Variants in CNTN5 observed in about 807,000 individuals in gnomAD.
CNTN5 encodes contactin 5, also known as contactin-5.
A neutral mutation model predicts 129.1 loss-of-function variants in CNTN5; 77 were observed. The ratio of observed to expected loss-of-function variants is 0.60; its 90% CI spans 0.50 to 0.72. The LOEUF (loss-of-function observed/expected upper bound fraction) is 0.72, where lower values mean the gene tolerates loss of function less well. CNTN5 is among the 30% of genes least tolerant of loss of function. The pLI, the probability that CNTN5 is intolerant of heterozygous loss-of-function variation, is 0.00. For missense variants in CNTN5, 1,478 were observed against 1,328.8 expected, an observed-to-expected ratio of 1.11 and a Z score of -1.75; for synonymous variants, 509 against 465.6, an observed-to-expected ratio of 1.09 and a Z score of -1.20.
chr11:100,075,289 T>G lies in CNTN5; in HGVS notation c.1580+995T>G, dbSNP rs550758450. ...TAAACAATTTTTGGAATTACTGGCT[T>G]CAGCTTAGACCCAAAGATCTATGCT... On this transcript the variant is annotated intron_variant, in intron 13 of 24. Transcript: ENST00000524871. Among the ~76,000 whole-genome samples the G allele has an allele frequency of 7.9e-5, 12 of 152,256 alleles. No homozygotes were observed. The East Asian group carries it at 2.3e-3, about 29-fold the overall frequency.
At chr11:100,229,227 C>T (rs1283119163) in intron 16 of CNTN5, among the ~76,000 whole-genome samples, 2 of 152,230 alleles carry the variant, frequency 1.3e-5, no homozygotes, top group Admixed American at 1.3e-4. Flanking sequence ...TATTTTACCC[C>T]ATGAGTCATA....
intron 13 of CNTN5, among the ~76,000 whole-genome samples, chr11:100,180,729 C>G (rs185048514): frequency 1.5e-3 from 227 of 151,734 alleles, no homozygotes; most frequent in Non-Finnish European, 2.5e-3. Context: ...AATCACGTAC[C>G]CAACAAAGAA....
chr11:99,552,774 T>C (rs941225303), intron 2 of CNTN5, among the ~76,000 whole-genome samples: 9 of 152,078 alleles, frequency 5.9e-5, no homozygotes, highest in Non-Finnish European at 2.9e-5. Context: ...CTGTATAGAA[T>C]TGGTGAAACC....
chr11:99,042,653 G>T (rs1864047016), intron 1 of CNTN5, among the ~76,000 whole-genome samples: 1 of 151,950 alleles, frequency 6.6e-6, no homozygotes, highest in Non-Finnish European at 1.5e-5. Context: ...GGGATTACAG[G>T]CGTGAGCCAC....
intron 2 of CNTN5, among the ~76,000 whole-genome samples, chr11:99,555,891 A>G (rs979060509): frequency 3.3e-5 from 5 of 151,884 alleles, no homozygotes; most frequent in Admixed American, 2.0e-4. Context: ...TGATGTTTTT[A>G]CTATCTGTAT....
intron 9 of CNTN5, among the ~76,000 whole-genome samples, chr11:100,038,098 G>A (rs1942139433): frequency 6.6e-6 from 1 of 151,596 alleles, no homozygotes; most frequent in Non-Finnish European, 1.5e-5. Context: ...TTCTTTTGTG[G>A]GCATTTAGTG....
chr11:99,946,601 G>C (rs1407829237), intron 7 of CNTN5, among the ~76,000 whole-genome samples: 1 of 151,880 alleles, frequency 6.6e-6, no homozygotes, highest in Non-Finnish European at 1.5e-5. Flanking sequence ...TAAGAGAAAG[G>C]GGAAAAATAA....
chr11:100,354,374 C>G (rs1431486659), intron 24 of CNTN5, among the ~76,000 whole-genome samples: 2 of 151,562 alleles, frequency 1.3e-5, no homozygotes, highest in African/African-American at 4.8e-5. Context: ...TTGGATCAGT[C>G]AGTTTAATCC....
chr11:99,113,029 T>C (rs557220417), intron 1 of CNTN5, among the ~76,000 whole-genome samples: 1 of 152,158 alleles, frequency 6.6e-6, no homozygotes, highest in African/African-American at 2.4e-5. Context: ...TCAATAGTCA[T>C]ACGAAAGGCA....
chr11:100,347,586 A>G (rs1259364812), intron 23 of CNTN5, among the ~76,000 whole-genome samples: 1 of 152,106 alleles, frequency 6.6e-6, no homozygotes, highest in Non-Finnish European at 1.5e-5. Flanking sequence ...AGAGTTAGAA[A>G]GGAACAACAT....
intron 13 of CNTN5, among the ~76,000 whole-genome samples, chr11:100,152,964 G>A (rs1356525928): frequency 5.3e-5 from 8 of 151,910 alleles, no homozygotes; most frequent in African/African-American, 1.4e-4. Context: ...AAGACATCAT[G>A]GGTTGTTTTT....
At chr11:99,897,678 G>C (rs1031941383) in intron 6 of CNTN5, among the ~76,000 whole-genome samples, 3 of 152,086 alleles carry the variant, frequency 2.0e-5, no homozygotes, top group Admixed American at 6.6e-5. Flanking sequence ...GATGATACTT[G>C]GCATCAGAAA....
At chr11:99,866,773 G>A (rs1460835634) in intron 6 of CNTN5, among the ~76,000 whole-genome samples, 1 of 152,174 alleles carries the variant, frequency 6.6e-6, no homozygotes, top group East Asian at 1.9e-4. Context: ...TAGCCCATGG[G>A]CGCTAAGGTC....
chr11:99,817,546 T>C (rs1204898088), intron 3 of CNTN5, among the ~76,000 whole-genome samples: 4 of 149,124 alleles, frequency 2.7e-5, no homozygotes, highest in Non-Finnish European at 5.9e-5. Flanking sequence ...TTAAGAACTA[T>C]AAACCACATT....
rs1429884747 is a variant in CNTN5 at position 99,807,174 on chromosome 11, G to C, written c.56-12370G>C. 2.0e-5 allele frequency among the ~76,000 whole-genome samples: 3 copies of C among 152,040 alleles called. No individual in the cohort carries two copies. In the East Asian group the frequency reaches 5.8e-4, roughly 29 times the overall value. ...AGTAAAAAAAAGATAATAGATCTTA[G>C]CCATCATCTAATAAAATGGTATGCA... On this transcript the variant is annotated intron_variant, in intron 3 of 24. Coordinates refer to ENST00000524871, the MANE Select transcript of CNTN5 (RefSeq NM_014361.4).
intron 8 of CNTN5, among the ~76,000 whole-genome samples, 180 bp from the exon 9 acceptor site, chr11:100,001,854 G>A (rs1939895084): frequency 6.6e-6 from 1 of 152,072 alleles, no homozygotes; most frequent in South Asian, 2.1e-4. Context: ...GGGAAGACTA[G>A]GATTTCATCA....
At chr11:99,666,900 A>G (rs1264752142) in intron 3 of CNTN5, among the ~76,000 whole-genome samples, 1 of 152,124 alleles carries the variant, frequency 6.6e-6, no homozygotes, top group East Asian at 1.9e-4. Context: ...TTTATTTTTT[A>G]TAATTAGTTC....
chr11:99,205,175 A>T (rs1179701871), intron 1 of CNTN5, among the ~76,000 whole-genome samples: 4 of 83,946 alleles, frequency 4.8e-5, no homozygotes, highest in Admixed American at 4.2e-4. Context: ...AAACAAACAA[A>T]CAAAAAAAAC....
At chr11:99,101,271 T>C (rs899889126) in intron 1 of CNTN5, among the ~76,000 whole-genome samples, 6 of 146,856 alleles carry the variant, frequency 4.1e-5, no homozygotes, top group Non-Finnish European at 9.0e-5. Context: ...GGAACCACAG[T>C]TCAAGATGAG....
Sources: allele counts gnomAD v4.1 joint callset (sites outside exome capture counted in the v4.1 genomes callset), GRCh38; gene constraint gnomAD v4.1.1; transcripts MANE v1.5; gene names NCBI Gene and HGNC (gene_info 2026-07-23, HGNC 2026-07-21).